Variants in CLCN5 observed in about 807,000 individuals in gnomAD.
CLCN5 encodes Cl-/H+ antiporter 5.
In CLCN5, 17 loss-of-function variants were observed where a neutral mutation model predicts 54.0. The observed-to-expected ratio is 0.31, with a 90% CI of 0.22 to 0.47. The LOEUF (loss-of-function observed/expected upper bound fraction) is 0.47. Ranked by LOEUF, CLCN5 falls within the 20% of genes least tolerant of loss-of-function variation. CLCN5 has a pLI of 1.00. For missense variants in CLCN5, 448 were observed against 646.7 expected (o/e 0.69, Z 3.33); for synonymous variants, 222 against 233.0 (o/e 0.95, Z 0.43).
chrX:49,929,668 CT>C (rs1421347824), intron 3 of CLCN5, among the ~76,000 whole-genome samples: 1 of 111,356 alleles, frequency 9.0e-6, no homozygotes, highest in Non-Finnish European at 1.9e-5. Flanking sequence ...ACCTGTAGTG[CT>C]TTAAAAAATA....
At chrX:49,981,903 T>G (rs2147343264) in intron 3 of CLCN5, among the ~76,000 whole-genome samples, 1 of 111,060 alleles carries the variant, frequency 9.0e-6, no homozygotes, top group South Asian at 3.8e-4. Flanking sequence ...TCTTAGGACT[T>G]TGTAATGCTT....
chrX:50,083,688 A>G (rs1557193511), intron 9 of CLCN5, among the ~76,000 whole-genome samples: 1 of 112,120 alleles, frequency 8.9e-6, no homozygotes, highest in African/African-American at 3.2e-5. Flanking sequence ...TGAAATTCCA[A>G]TTCTTCAGAA....
intron 3 of CLCN5, among the ~76,000 whole-genome samples, chrX:49,975,564 C>G (rs889959567): frequency 9.0e-6 from 1 of 111,087 alleles, no homozygotes; most frequent in Non-Finnish European, 1.9e-5. Flanking sequence ...TCCTGGAGTT[C>G]TGATCTCCCA....
chrX:49,972,112 GGTGT>G (rs61157983), intron 3 of CLCN5, among the ~76,000 whole-genome samples: 16,313 of 86,327 alleles, frequency 0.19, 1,409 homozygotes, highest in Middle Eastern at 0.28. Context: ...TGCATTCTCT[GGTGT>G]GTGTGTGTGT....
At chrX:49,978,407 T>C (rs181485295) in intron 3 of CLCN5, among the ~76,000 whole-genome samples, 1 of 112,421 alleles carries the variant, frequency 8.9e-6, no homozygotes, top group Non-Finnish European at 1.9e-5. Context: ...CTGAGACTTA[T>C]ATGAGAGGAT....
chrX:50,089,138 A>T (rs1446539147), intron 12 of CLCN5, among the ~76,000 whole-genome samples: 1 of 112,553 alleles, frequency 8.9e-6, no homozygotes, highest in Non-Finnish European at 1.9e-5. Context: ...TTAGACAAAG[A>T]TATCTGCACA....
chrX:50,087,624 G>A (rs1933935237), intron 11 of CLCN5, among the ~76,000 whole-genome samples: 1 of 111,375 alleles, frequency 9.0e-6, no homozygotes. Context: ...CTATTCTCTA[G>A]AGAAATGGAG....
At chrX:49,998,641 T>C (rs1352517326) in intron 3 of CLCN5, among the ~76,000 whole-genome samples, 1 of 111,074 alleles carries the variant, frequency 9.0e-6, no homozygotes, top group African/African-American at 3.3e-5. Flanking sequence ...GTGCCTTCTC[T>C]ACTTCCCTCC....
intron 3 of CLCN5, among the ~76,000 whole-genome samples, chrX:50,033,715 A>G (rs184840832): frequency 1.4e-4 from 16 of 111,959 alleles, no homozygotes; most frequent in African/African-American, 3.9e-4. Flanking sequence ...CGCCAAGTCA[A>G]TCCTAAGCCA....
intron 5 of CLCN5, among the ~76,000 whole-genome samples, chrX:50,070,279 A>G (rs1219892207): frequency 4.4e-5 from 5 of 112,400 alleles, no homozygotes; most frequent in Admixed American, 9.4e-5. Context: ...TACATGTGCC[A>G]TGTTGGTGCT....
At chrX:50,032,646 A>G (rs1280849695) in intron 3 of CLCN5, among the ~76,000 whole-genome samples, 5 of 108,420 alleles carry the variant, frequency 4.6e-5, no homozygotes, top group Non-Finnish European at 7.6e-5. Flanking sequence ...GTAGGTTGCG[A>G]AAATTTTCTC....
intron 14 of CLCN5, among the ~76,000 whole-genome samples, chrX:50,091,836 G>A (rs1236186077): frequency 2.7e-5 from 3 of 112,381 alleles, no homozygotes; most frequent in East Asian, 2.8e-4. Context: ...GAATAGGGGC[G>A]TTTGAACTGG....
rs113454205 is a variant in CLCN5, at chrX:50,036,479, G to A, written c.17-5837G>A. ...GTCAGTGGGTTACAGGAAGAAGTTCGTAAGGTGCCTAATGAGGAAACTAAA... is the reference window on the plus strand; with the variant it reads ...GTCAGTGGGTTACAGGAAGAAGTTCATAAGGTGCCTAATGAGGAAACTAAA... On this transcript the variant is annotated intron_variant, in intron 3 of 14. Transcript: ENST00000376091. 4.9e-3 allele frequency among the ~76,000 whole-genome samples: 548 copies of A among 112,339 alleles called. 3 individuals carry two copies. The highest frequency in any genetic ancestry group is 7.1e-3 in the Non-Finnish European group (376 of 53,271).
At chrX:50,071,239 T>A (rs1196725406) in intron 5 of CLCN5, among the ~76,000 whole-genome samples, 1 of 111,630 alleles carries the variant, frequency 9.0e-6, no homozygotes, top group East Asian at 2.8e-4. Flanking sequence ...TCCTTCTTAA[T>A]CCATGGATAT....
chrX:49,931,648 C>T (rs1190657616), intron 3 of CLCN5, among the ~76,000 whole-genome samples: 3 of 110,810 alleles, frequency 2.7e-5, no homozygotes, highest in Admixed American at 9.6e-5. Flanking sequence ...CCAGGACCTT[C>T]GGAGGCCAAG....
chrX:50,014,647 G>T (rs377503168), intron 3 of CLCN5: 4 of 355,508 alleles, frequency 1.1e-5, no homozygotes, highest in African/African-American at 1.0e-4. Flanking sequence ...CTGGCTCAAT[G>T]CAATGCACCT....
At chrX:49,924,408 C>T (rs143283186) in intron 2 of CLCN5, among the ~76,000 whole-genome samples, 1,260 of 111,918 alleles carry the variant, frequency 0.011, 18 homozygotes, top group African/African-American at 0.039. Context: ...TCAGGTGATC[C>T]GCCTGCTTCG....
intron 3 of CLCN5, among the ~76,000 whole-genome samples, chrX:49,976,950 G>A (rs1602003650): frequency 1.8e-5 from 2 of 111,253 alleles, no homozygotes; most frequent in East Asian, 2.8e-4. Context: ...AAACCCCTCC[G>A]GTACAGAAAT....
intron 3 of CLCN5, among the ~76,000 whole-genome samples, chrX:49,932,331 G>A (rs1925700180): frequency 8.9e-6 from 1 of 112,540 alleles, no homozygotes; most frequent in Non-Finnish European, 1.9e-5. Flanking sequence ...ATCCAAAGTT[G>A]TTGCACTGGC....
Sources: allele counts gnomAD v4.1 joint callset (sites outside exome capture counted in the v4.1 genomes callset), GRCh38; gene constraint gnomAD v4.1.1; transcripts MANE v1.5; gene names NCBI Gene and HGNC (gene_info 2026-07-23, HGNC 2026-07-21).